The following ARAP1 variants were observed in gnomAD, a reference collection of about 807,000 sequenced individuals.
ARAP1 encodes the protein arf-GAP with Rho-GAP domain, ANK repeat and PH domain-containing protein 1.
Under a neutral mutation model 172.2 loss-of-function variants are expected in ARAP1, and 76 were observed. The observed-to-expected ratio is 0.44, with a 90% confidence interval of 0.37 to 0.53. ARAP1 has a LOEUF of 0.53. ARAP1 is among the 20% of genes least tolerant of loss of function. The probability of loss-of-function intolerance (pLI) is 0.00; values close to 1 mark genes in which losing one functional copy is unlikely to be tolerated. For missense variants in ARAP1, 1,686 were observed against 1,977.5 expected, an observed-to-expected ratio of 0.85 and a Z score of 2.80; for synonymous variants, 804 against 803.3, an observed-to-expected ratio of 1.00 and a Z score of -0.01.
chr11:72,745,024 C>A (rs1053653655), intron 1 of ARAP1, among the ~76,000 whole-genome samples: 4 of 152,174 alleles, frequency 2.6e-5, no homozygotes, highest in African/African-American at 9.7e-5. Flanking sequence ...GGAGCCGCTA[C>A]CCCAGAGCTT....
chr11:72,701,515 A>G (rs1856482109), intron 16 of ARAP1, 134 bp downstream of exon 16: 2 of 1,270,522 alleles, frequency 1.6e-6, no homozygotes, highest in Middle Eastern at 2.8e-4. Context: ...CCTACTGTGT[A>G]CCACAGACTA....
chr11:72,695,366 C>T lies in ARAP1; in HGVS notation c.3576+21G>A. On this transcript the variant is annotated intron_variant, in intron 26 of 34. Transcript: ENST00000393609. The surrounding 1 kb of genome is among the most constrained non-coding windows in gnomAD (Gnocchi z 4.4). ...CCAGCCTGATTCTCTAGCCCCTTGG[C>T]TTCTAGGTCCCAGCACCTACCTTGA... The T allele has an allele frequency of 6.2e-7, 1 of 1,614,068 alleles. No individual in the cohort carries two copies. The highest frequency in any genetic ancestry group is 1.1e-5 in the South Asian group (1 of 91,070).
At chr11:72,737,793 T>G (rs1416892030) in intron 1 of ARAP1, among the ~76,000 whole-genome samples, 1 of 152,142 alleles carries the variant, frequency 6.6e-6, no homozygotes, top group Non-Finnish European at 1.5e-5. Context: ...CTGGCTAATA[T>G]TTGTACTTTT....
intron 30 of ARAP1, 125 bp downstream of exon 30, chr11:72,692,615 CCAGTGCCAACGGG>C: frequency 9.0e-7 from 1 of 1,112,074 alleles, no homozygotes; most frequent in East Asian, 2.5e-5. Flanking sequence ...AGGATAGGGG[CCAGTGCCAACGGG>C]CAAGGGGGCA....
At position 72,697,422 on chromosome 11, in the gene ARAP1, C is replaced by T; in HGVS notation, c.2854G>A (p.Ala952Thr). ...AGCGTGTCCCCCATGCTGGCGGCTG[C>T]TTTCTGGATGGCCCCCAGCCAACCC... Reference protein sequence around the residue: ...FMGWLGAIQKAAASMGDTLSE... With the variant: ...FMGWLGAIQKTAASMGDTLSE... The change falls in exon 21 of 35, where the codon GCA becomes ACA. Residue 952 changes from alanine (A) to threonine (T), a missense_variant. Coordinates refer to ENST00000393609, the MANE Select transcript of ARAP1 (RefSeq NM_001040118.3). The T allele has an allele frequency of 6.2e-7, 1 of 1,612,086 alleles. No homozygotes were observed. The highest frequency in any genetic ancestry group is 8.5e-7 in the Non-Finnish European group (1 of 1,179,570).
At chr11:72,686,371 C>G (rs1399693829) in intron 33 of ARAP1, among the ~76,000 whole-genome samples, 180 bp from the exon 34 acceptor site, 1 of 152,208 alleles carries the variant, frequency 6.6e-6, no homozygotes, top group African/African-American at 2.4e-5. Context: ...TCTGGCAAAA[C>G]ACGGCCAGTT....
chr11:72,722,612 G>A (rs1352450720), intron 3 of ARAP1, among the ~76,000 whole-genome samples: 1 of 152,218 alleles, frequency 6.6e-6, no homozygotes, highest in African/African-American at 2.4e-5. Flanking sequence ...CAGCCTCCAG[G>A]AAGACCAGGG....
Position 72,697,640 on chromosome 11 carries a change from C to T in ARAP1, c.2747G>A (p.Gly916Glu). Residue 916 changes from glycine (G) to glutamate (E), a missense_variant, in exon 20 of 35, where the codon GGG becomes GAG. Gly to Glu is a moderately conservative substitution (Grantham distance 98, BLOSUM62 -2). Transcript: ENST00000393609. ...LRKLQELSIQ[G>E]DSENQVLVLV... ...CACCAGCACCTGGTTCTCACTGTCC[C>T]CCTGGATGGCTGTGGAGGGGTTAGT... The T allele has an allele frequency of 1.2e-6, 2 of 1,614,112 alleles. No individual in the cohort carries two copies. The highest frequency in any genetic ancestry group is 2.7e-5 in the African/African-American group (2 of 75,042).
At chr11:72,752,173 AC>A (rs531123724) in intron 1 of ARAP1, among the ~76,000 whole-genome samples, 154 bp downstream of exon 1, 2 of 151,650 alleles carry the variant, frequency 1.3e-5, no homozygotes, top group Non-Finnish European at 2.9e-5. Flanking sequence ...TCAAGAGGCG[AC>A]CCCCCCATCA....
rs550801139 is a variant in ARAP1 at position 72,729,582 on chromosome 11, T to G, written c.-44-2410A>C. ...CCTGGGCAACAGAGAGAGACTCCACTTCAGAAAAAAAAATAAAAAATAAAA... is the reference window on the plus strand; with the variant it reads ...CCTGGGCAACAGAGAGAGACTCCACGTCAGAAAAAAAAATAAAAAATAAAA... On this transcript the variant is annotated intron_variant, in intron 2 of 34. Coordinates refer to ENST00000393609, the MANE Select transcript of ARAP1 (RefSeq NM_001040118.3). 3.7e-4 allele frequency among the ~76,000 whole-genome samples: 55 copies of G among 147,084 alleles called. 1 individual carries two copies. The highest frequency in any genetic ancestry group is 1.4e-3 in the African/African-American group (54 of 39,722).
At chr11:72,694,600 C>T (rs1183383575) in intron 27 of ARAP1, among the ~76,000 whole-genome samples, 1 of 152,120 alleles carries the variant, frequency 6.6e-6, no homozygotes, top group Non-Finnish European at 1.5e-5. Context: ...CGTCCCACAC[C>T]AGACTAACCC....
chr11:72,702,357 G>T (rs1424654777), intron 15 of ARAP1, among the ~76,000 whole-genome samples: 1 of 152,142 alleles, frequency 6.6e-6, no homozygotes, highest in Non-Finnish European at 1.5e-5. Context: ...TCAGTCCTGG[G>T]ATGTGGCCCC....
At chr11:72,700,954 C>T (rs551225873) in intron 16 of ARAP1, among the ~76,000 whole-genome samples, 34 of 152,256 alleles carry the variant, frequency 2.2e-4, no homozygotes, top group Non-Finnish European at 2.8e-4. Flanking sequence ...GCCAAGATCG[C>T]GCCATTGCAC....
intron 1 of ARAP1, among the ~76,000 whole-genome samples, chr11:72,747,093 G>A (rs1858391039): frequency 6.6e-6 from 1 of 152,240 alleles, no homozygotes; most frequent in Admixed American, 6.5e-5. Context: ...CTGGCCAGAA[G>A]GAGGCAGGGC....
intron 7 of ARAP1, among the ~76,000 whole-genome samples, 164 bp from the exon 8 acceptor site, chr11:72,711,663 T>C (rs951008981): frequency 6.7e-6 from 1 of 149,644 alleles, no homozygotes; most frequent in Non-Finnish European, 1.5e-5. Context: ...ACAGCAAGAG[T>C]GACTGAAGTC....
chr11:72,728,063 C>T (rs1468465743), intron 2 of ARAP1, among the ~76,000 whole-genome samples: 1 of 152,206 alleles, frequency 6.6e-6, no homozygotes, highest in South Asian at 2.1e-4. Context: ...TAAATTGATA[C>T]TTTCTTAAAT....
At chr11:72,694,610 C>T (rs1856094671) in intron 27 of ARAP1, among the ~76,000 whole-genome samples, 1 of 152,114 alleles carries the variant, frequency 6.6e-6, no homozygotes, top group African/African-American at 2.4e-5. Flanking sequence ...CAGACTAACC[C>T]CCACGAGGAT....
rs377239963 is a variant in ARAP1 at position 72,704,381 on chromosome 11, G to T, written c.1810-47C>A. 9.4e-6 allele frequency: 14 copies of T among 1,493,568 alleles called. No individual in the cohort carries two copies. The African/African-American group carries it at 2.0e-4, about 21-fold the overall frequency. The allele number at this position is 1,493,568 out of a possible 1,614,324, so 92.5% of individuals were successfully genotyped here. On this transcript the variant is annotated intron_variant, in intron 13 of 34. Transcript: ENST00000393609. ...CAGACGGGCCAGCTGACAGCCAGGG[G>T]CCGTGCCGGGCAGAAACTTGGTTTC...
intron 1 of ARAP1, among the ~76,000 whole-genome samples, chr11:72,747,224 C>G (rs1363780095): frequency 3.9e-5 from 6 of 152,190 alleles, no homozygotes. Context: ...TTGCCTTTAC[C>G]GTTGCCCTCA....
Sources: allele counts gnomAD v4.1 joint callset (sites outside exome capture counted in the v4.1 genomes callset), GRCh38; gene constraint gnomAD v4.1.1; non-coding constraint Gnocchi (gnomAD v3.1); transcripts MANE v1.5; gene names NCBI Gene and HGNC (gene_info 2026-07-23, HGNC 2026-07-21).